The following TAFA1 variants were observed in gnomAD, a reference collection of about 807,000 sequenced individuals.
TAFA1 encodes chemokine-like protein TAFA-1.
Under a neutral mutation model 18.5 loss-of-function variants are expected in TAFA1, and 4 were observed. The observed-to-expected ratio is 0.22, with a 90% confidence interval of 0.11 to 0.49. The LOEUF (loss-of-function observed/expected upper bound fraction) is 0.49, where lower values mean the gene tolerates loss of function less well. TAFA1 is among the 20% of genes least tolerant of loss of function. The probability of loss-of-function intolerance (pLI) is 0.98; values close to 1 mark genes in which losing one functional copy is unlikely to be tolerated. For missense variants in TAFA1, 147 were observed against 169.0 expected (o/e 0.87, Z 0.72); for synonymous variants, 56 against 55.2 (o/e 1.01, Z -0.06).
chr3:68,203,062 G>T (rs1245528035), intron 2 of TAFA1, among the ~76,000 whole-genome samples: 1 of 151,484 alleles, frequency 6.6e-6, no homozygotes, highest in Non-Finnish European at 1.5e-5. Flanking sequence ...GAATAATTTT[G>T]CAGACTACAA....
intron 2 of TAFA1, among the ~76,000 whole-genome samples, chr3:68,328,591 A>G (rs560710454): frequency 6.6e-6 from 1 of 152,270 alleles, no homozygotes; most frequent in East Asian, 1.9e-4. Flanking sequence ...TTTTCCAGGG[A>G]TTTGCATAAA....
chr3:68,435,443 T>A (rs1352755399), intron 3 of TAFA1, among the ~76,000 whole-genome samples: 1 of 152,164 alleles, frequency 6.6e-6, no homozygotes, highest in African/African-American at 2.4e-5. Context: ...TGTCAATGAA[T>A]GTTATGGTTA....
At chr3:68,414,165 G>A (rs951710350) in intron 2 of TAFA1, among the ~76,000 whole-genome samples, 38 of 152,190 alleles carry the variant, frequency 2.5e-4, no homozygotes, top group African/African-American at 8.9e-4. Flanking sequence ...AAATTAGCTG[G>A]GCATGGTGGT....
rs532504371 is a variant in TAFA1 at position 68,019,527 on chromosome 3, G to T, written c.118+12783G>T. ...CAACTGCAATTTAACTTTTTCATAA[G>T]ATTGTTTGGCATTTATCATGTTGAG... On this transcript the variant is annotated intron_variant, in intron 2 of 4. Transcript: ENST00000478136. Among the ~76,000 whole-genome samples, 4 of 152,248 alleles carry T rather than the reference G, an allele frequency of 2.6e-5. No homozygotes were observed. In the South Asian group the frequency reaches 8.3e-4, roughly 32 times the overall value.
intron 3 of TAFA1, among the ~76,000 whole-genome samples, chr3:68,486,687 G>T (rs1471094273): frequency 6.6e-6 from 1 of 152,156 alleles, no homozygotes; most frequent in Admixed American, 6.5e-5. Context: ...CGACCTCTGG[G>T]TCTGCGAAAA....
chr3:68,450,363 T>C (rs142952584), intron 3 of TAFA1, among the ~76,000 whole-genome samples: 5 of 152,306 alleles, frequency 3.3e-5, no homozygotes, highest in Admixed American at 6.5e-5. Flanking sequence ...TATTTAGCAA[T>C]GTTTAACAGA....
intron 2 of TAFA1, among the ~76,000 whole-genome samples, chr3:68,138,915 C>A (rs1415489074): frequency 2.0e-5 from 3 of 152,072 alleles, no homozygotes; most frequent in African/African-American, 7.2e-5. Flanking sequence ...CTGGAAGTTG[C>A]CAGGAGTAGT....
rs114387526 is a variant in TAFA1 at position 68,143,906 on chromosome 3, C to T, written c.118+137162C>T. ...TTTGGTTCCTCTGTGTCCCTGTCCCCGTGGACCCTCATGACTGTGCCTGAC... is the reference window on the plus strand; with the variant it reads ...TTTGGTTCCTCTGTGTCCCTGTCCCTGTGGACCCTCATGACTGTGCCTGAC... On this transcript the variant is annotated intron_variant, in intron 2 of 4. Coordinates refer to ENST00000478136, the MANE Select transcript of TAFA1 (RefSeq NM_213609.4). Among the ~76,000 whole-genome samples, 1,002 of 152,228 alleles carry T rather than the reference C, an allele frequency of 6.6e-3. 7 individuals carry two copies. Among genetic ancestry groups the T allele is most frequent in the African/African-American group, 0.023 (965 of 41,530 alleles).
chr3:68,314,940 AT>A (rs1032239900), intron 2 of TAFA1, among the ~76,000 whole-genome samples: 47 of 149,068 alleles, frequency 3.2e-4, no homozygotes, highest in African/African-American at 1.1e-3. Context: ...TAATATTAAT[AT>A]TTATCACTAT....
In TAFA1 at chr3:68,226,540, T is replaced by A. The variant is rs141543211; in HGVS notation, c.119-190740T>A. On this transcript the variant is annotated intron_variant, in intron 2 of 4. Coordinates refer to ENST00000478136, the MANE Select transcript of TAFA1 (RefSeq NM_213609.4). The stretch of plus-strand genomic sequence containing the variant: ...CACAAGTGGTTAATGAAAATAAAAC[T>A]TGAGATAAATTCTCCTTGGCCTCAA... Among the ~76,000 whole-genome samples the A allele has an allele frequency of 9.5e-3, 1,450 of 152,270 alleles. 25 individuals are homozygous for A. The highest frequency in any genetic ancestry group is 0.032 in the African/African-American group (1,325 of 41,554).
chr3:68,370,851 C>T (rs1306080941), intron 2 of TAFA1, among the ~76,000 whole-genome samples: 2 of 143,234 alleles, frequency 1.4e-5, no homozygotes, highest in African/African-American at 5.2e-5. Flanking sequence ...AGGGAATAAT[C>T]TATAATTTTA....
At chr3:68,341,326 T>C (rs1026389724) in intron 2 of TAFA1, among the ~76,000 whole-genome samples, 1 of 152,040 alleles carries the variant, frequency 6.6e-6, no homozygotes, top group Non-Finnish European at 1.5e-5. Flanking sequence ...CTTCTTTTCA[T>C]AGGTGGGATC....
At chr3:68,514,719 GA>G (rs11388134) in intron 3 of TAFA1, among the ~76,000 whole-genome samples, 176 of 147,462 alleles carry the variant, frequency 1.2e-3, no homozygotes, top group African/African-American at 4.1e-3. Context: ...ACCCAGCAAT[GA>G]AAAAAAAAAA....
At chr3:68,460,406 G>A (rs529754617) in intron 3 of TAFA1, among the ~76,000 whole-genome samples, 5 of 152,160 alleles carry the variant, frequency 3.3e-5, no homozygotes, top group Admixed American at 3.3e-4. Flanking sequence ...TCAGTATAAA[G>A]GATTTTTATT....
intron 2 of TAFA1, among the ~76,000 whole-genome samples, chr3:68,152,385 A>G (rs543812059): frequency 3.9e-4 from 60 of 152,274 alleles, no homozygotes; most frequent in Admixed American, 1.1e-3. Context: ...AAAGCTTATG[A>G]CTTTTTGACA....
chr3:68,405,890 T>C (rs1014860864), intron 2 of TAFA1, among the ~76,000 whole-genome samples: 3 of 151,926 alleles, frequency 2.0e-5, no homozygotes, highest in African/African-American at 4.8e-5. Flanking sequence ...CCTTTCATCC[T>C]CCTCCAGTGT....
At chr3:68,406,032 TC>T (rs2070599375) in intron 2 of TAFA1, among the ~76,000 whole-genome samples, 1 of 152,154 alleles carries the variant, frequency 6.6e-6, no homozygotes, top group Non-Finnish European at 1.5e-5. Flanking sequence ...GCTTACAGTA[TC>T]CGTTAAATTT....
chr3:68,411,785 A>T (rs1487894548), intron 2 of TAFA1, among the ~76,000 whole-genome samples: 2 of 152,180 alleles, frequency 1.3e-5, no homozygotes. Flanking sequence ...CCTGCCAAAG[A>T]TCTAAAAATT....
rs75637292 is a variant in TAFA1 at position 68,119,994 on chromosome 3, G to A, written c.118+113250G>A. ...ATCCATATGCAAATGTCTGCTAGGT[G>A]TTTTCAGTCCATTCTTCCTTTAAGA... On this transcript the variant is annotated intron_variant, in intron 2 of 4. Transcript: ENST00000478136. Among the ~76,000 whole-genome samples, 1,424 of 152,260 alleles carry A rather than the reference G, an allele frequency of 9.4e-3. 27 individuals carry two copies. The highest frequency in any genetic ancestry group is 0.033 in the African/African-American group (1,373 of 41,552).
Sources: gnomAD v4.1 joint callset for allele counts (sites outside exome capture counted in the v4.1 genomes callset) on GRCh38, gnomAD v4.1.1 for gene constraint, MANE v1.5 for transcripts, NCBI Gene and HGNC (gene_info 2026-07-23, HGNC 2026-07-21) for gene names.